KDM4C: variants seen among roughly 807,000 people sequenced by gnomAD.
The protein encoded by KDM4C is lysine-specific demethylase 4C.
KDM4C carries 81 observed loss-of-function variants against 129.3 expected under a neutral mutation model. That is an observed-to-expected ratio of 0.63 (90% CI 0.52 to 0.75). The LOEUF (loss-of-function observed/expected upper bound fraction) is 0.75. Ranked by LOEUF, KDM4C falls within the 30% of genes least tolerant of loss-of-function variation. The pLI is 0.00. For synonymous variants in KDM4C, 573 were observed against 456.1 expected, an observed-to-expected ratio of 1.26 and a Z score of -3.26; for missense variants, 1,457 against 1,304.0, an observed-to-expected ratio of 1.12 and a Z score of -1.81.
intron 2 of KDM4C, among the ~76,000 whole-genome samples, chr9:6,804,047 TC>T (rs1197988424): frequency 1.3e-5 from 2 of 152,204 alleles, no homozygotes; most frequent in Non-Finnish European, 2.9e-5. Context: ...GGTCTAGAAC[TC>T]CTGGCCTCAA....
At chr9:6,795,293 C>T (rs944168898) in intron 2 of KDM4C, among the ~76,000 whole-genome samples, 1 of 151,992 alleles carries the variant, frequency 6.6e-6, no homozygotes, top group Non-Finnish European at 1.5e-5. Context: ...GTATCTGTAC[C>T]CTGAGGCCTG....
At chr9:7,150,508 G>A (rs952768945) in intron 19 of KDM4C, among the ~76,000 whole-genome samples, 6 of 152,198 alleles carry the variant, frequency 3.9e-5, no homozygotes, top group African/African-American at 1.4e-4. Context: ...AATCCTTGGA[G>A]AGAAATGTCT....
chr9:6,800,106 G>A (rs1369641215), intron 2 of KDM4C, among the ~76,000 whole-genome samples: 3 of 152,066 alleles, frequency 2.0e-5, no homozygotes, highest in Non-Finnish European at 2.9e-5. Flanking sequence ...AGTGACTCAC[G>A]CCTGTAATCC....
At chr9:6,823,331 C>G (rs1833350741) in intron 4 of KDM4C, among the ~76,000 whole-genome samples, 1 of 152,170 alleles carries the variant, frequency 6.6e-6, no homozygotes, top group African/African-American at 2.4e-5. Context: ...GTAGCTTATC[C>G]TCACTGTCAG....
At chr9:6,949,634 C>G (rs927726418) in intron 8 of KDM4C, among the ~76,000 whole-genome samples, 1 of 152,218 alleles carries the variant, frequency 6.6e-6, no homozygotes, top group Non-Finnish European at 1.5e-5. Context: ...CGGTTAGGAG[C>G]TGGAGACCAG....
chr9:7,111,116 T>G (rs540324264), intron 18 of KDM4C, among the ~76,000 whole-genome samples: 6 of 148,230 alleles, frequency 4.0e-5, no homozygotes, highest in East Asian at 4.0e-4. Flanking sequence ...AACATTTTTG[T>G]TTTTTTTTTG....
chr9:7,079,139 G>A (rs1041412566), intron 17 of KDM4C, among the ~76,000 whole-genome samples: 2 of 152,186 alleles, frequency 1.3e-5, no homozygotes, highest in Non-Finnish European at 2.9e-5. Flanking sequence ...CTGTATGTCT[G>A]CCAGGGGCCA....
At chr9:6,929,390 C>T (rs193296036) in intron 8 of KDM4C, among the ~76,000 whole-genome samples, 10 of 152,064 alleles carry the variant, frequency 6.6e-5, no homozygotes, top group Non-Finnish European at 1.3e-4. Context: ...TCTTCCATTT[C>T]CAAATTAATA....
intron 7 of KDM4C, among the ~76,000 whole-genome samples, chr9:6,890,268 G>A (rs923163699): frequency 6.6e-6 from 1 of 152,128 alleles, no homozygotes; most frequent in African/African-American, 2.4e-5. Context: ...TAGTTTCTTC[G>A]ACTGTAAAAT....
intron 3 of KDM4C, among the ~76,000 whole-genome samples, chr9:6,806,930 G>C (rs1419538916): frequency 2.2e-5 from 3 of 137,798 alleles, no homozygotes; most frequent in African/African-American, 8.9e-5. Flanking sequence ...GTCTCCCCAC[G>C]GTCTCCCTCT....
chr9:6,984,052 A>G (rs1817243560), intron 9 of KDM4C, 114 bp from the exon 10 acceptor site: 2 of 672,188 alleles, frequency 3.0e-6, no homozygotes, highest in Non-Finnish European at 5.3e-6. Flanking sequence ...CATAGTGATT[A>G]ACAATGTCAG....
At chr9:6,950,518 T>G (rs1827945537) in intron 8 of KDM4C, among the ~76,000 whole-genome samples, 1 of 152,216 alleles carries the variant, frequency 6.6e-6, no homozygotes, top group East Asian at 1.9e-4. Context: ...GTTGTTAATA[T>G]GGATCCCTAC....
intron 17 of KDM4C, among the ~76,000 whole-genome samples, chr9:7,094,501 C>G (rs1836183496): frequency 6.6e-6 from 1 of 152,138 alleles, no homozygotes. Flanking sequence ...GACGAATCTA[C>G]AAACTCACTG....
At chr9:7,077,319 G>A (rs1157052623) in intron 17 of KDM4C, 1 of 760,222 alleles carries the variant, frequency 1.3e-6, no homozygotes, top group Non-Finnish European at 1.6e-6. Context: ...TGGACATATA[G>A]TTGTCATCCT....
At chr9:6,812,254 T>G (rs1831297575) in intron 3 of KDM4C, among the ~76,000 whole-genome samples, 1 of 151,946 alleles carries the variant, frequency 6.6e-6, no homozygotes, top group Admixed American at 6.6e-5. Flanking sequence ...AAAAAGTTGT[T>G]ACTGATTGAG....
At chr9:6,833,294 C>G (rs990792516) in intron 4 of KDM4C, among the ~76,000 whole-genome samples, 3 of 151,974 alleles carry the variant, frequency 2.0e-5, no homozygotes, top group Middle Eastern at 3.2e-3. Flanking sequence ...TGCACTTCCT[C>G]TATGCCAGTA....
At position 6,805,782 on chromosome 9, in the gene KDM4C, G is replaced by C; in HGVS notation, c.320+8G>C. ...GCTGGCCAACAGTGGCAAGTGAGTA[G>C]AATCAGTTTGCTATTTCTGTTTCCT... On this transcript the variant is annotated splice_region_variant and intron_variant, in intron 3 of 21. Coordinates refer to ENST00000381309, the MANE Select transcript of KDM4C (RefSeq NM_015061.6). 4 of 1,605,374 alleles carry C rather than the reference G, an allele frequency of 2.5e-6. No individual in the cohort carries two copies. Among genetic ancestry groups the C allele is most frequent in the East Asian group, 2.2e-5 (1 of 44,754 alleles).
At chr9:6,874,515 A>G (rs1317646820) in intron 5 of KDM4C, among the ~76,000 whole-genome samples, 4 of 152,244 alleles carry the variant, frequency 2.6e-5, no homozygotes, top group Non-Finnish European at 5.9e-5. Flanking sequence ...ATAAAGTACA[A>G]ACATGTTGCT....
At chr9:6,726,213 C>A (rs943835722) in intron 1 of KDM4C, among the ~76,000 whole-genome samples, 1 of 152,114 alleles carries the variant, frequency 6.6e-6, no homozygotes, top group Non-Finnish European at 1.5e-5. Context: ...CGTGAGCCAC[C>A]ACAACCGGCC....
Sources: allele counts gnomAD v4.1 joint callset (sites outside exome capture counted in the v4.1 genomes callset), GRCh38; gene constraint gnomAD v4.1.1; transcripts MANE v1.5; gene names NCBI Gene and HGNC (gene_info 2026-07-23, HGNC 2026-07-21).